SLC35F3: variants seen among roughly 807,000 people sequenced by gnomAD.
SLC35F3 encodes the protein solute carrier family 35 member F3, also known as putative thiamine transporter SLC35F3.
A neutral mutation model predicts 49.9 loss-of-function variants in SLC35F3; 25 were observed. The observed-to-expected ratio is 0.50, with a 90% CI of 0.37 to 0.70. The LOEUF is 0.70. Among genes scored for constraint, SLC35F3 ranks in the 30% least tolerant of loss-of-function variants. The probability of loss-of-function intolerance (pLI) is 0.00; values close to 1 mark genes in which losing one functional copy is unlikely to be tolerated. For missense variants in SLC35F3, 525 were observed against 639.8 expected (o/e 0.82, Z 1.94); for synonymous variants, 275 against 265.4 (o/e 1.04, Z -0.35).
chr1:234,132,064 T>A (rs10495344), intron 2 of SLC35F3, among the ~76,000 whole-genome samples: 17,988 of 152,120 alleles, frequency 0.12, 2,498 homozygotes, highest in East Asian at 0.75. Context: ...AGAAAGAAAG[T>A]AATAGGAGGT....
chr1:234,267,503 G>T (rs1572124750), intron 3 of SLC35F3, among the ~76,000 whole-genome samples: 1 of 147,216 alleles, frequency 6.8e-6, no homozygotes, highest in African/African-American at 2.6e-5. Flanking sequence ...TGGCCGGGCG[G>T]GGGGCTGACC....
chr1:234,139,955 A>AAAAT, intron 2 of SLC35F3, among the ~76,000 whole-genome samples: 2 of 119,648 alleles, frequency 1.7e-5, no homozygotes, highest in African/African-American at 3.6e-5. Context: ...TCAAAATAAT[A>AAAAT]AAATAAAATA....
intron 2 of SLC35F3, among the ~76,000 whole-genome samples, chr1:233,986,774 CT>C (rs888861705): frequency 3.3e-5 from 5 of 152,292 alleles, no homozygotes; most frequent in South Asian, 2.1e-4. Flanking sequence ...ATTTCTTTCA[CT>C]TTTTTATTTC....
chr1:234,082,865 C>T (rs2102873554), intron 2 of SLC35F3, among the ~76,000 whole-genome samples: 1 of 152,248 alleles, frequency 6.6e-6, no homozygotes, highest in African/African-American at 2.4e-5. Context: ...CATTGGGCCC[C>T]TCCTACAACA....
intron 2 of SLC35F3, among the ~76,000 whole-genome samples, chr1:234,018,545 A>AT (rs1663842785): frequency 1.3e-5 from 2 of 152,192 alleles, no homozygotes; most frequent in African/African-American, 4.8e-5. Context: ...ACAGTAATGG[A>AT]TAAAAAGACC....
chr1:233,988,284 G>T (rs745604672), intron 2 of SLC35F3, among the ~76,000 whole-genome samples: 1 of 152,182 alleles, frequency 6.6e-6, no homozygotes, highest in African/African-American at 2.4e-5. Context: ...TGCTTAAAAG[G>T]TATGAAGCTG....
At chr1:234,136,193 C>T (rs7553561) in intron 2 of SLC35F3, among the ~76,000 whole-genome samples, 97,470 of 151,352 alleles carry the variant, frequency 0.64, 31,498 homozygotes, top group East Asian at 0.77. Context: ...CCTCCCTTCC[C>T]TCCTTTATTT....
At chr1:234,129,266 C>T (rs1482606139) in intron 2 of SLC35F3, among the ~76,000 whole-genome samples, 1 of 152,126 alleles carries the variant, frequency 6.6e-6, no homozygotes, top group Non-Finnish European at 1.5e-5. Flanking sequence ...CAGGGAAATA[C>T]AAATTGAAGC....
chr1:234,063,062 C>T (rs754511611), intron 2 of SLC35F3, among the ~76,000 whole-genome samples: 19 of 152,018 alleles, frequency 1.2e-4, no homozygotes, highest in Non-Finnish European at 2.2e-4. Context: ...ACCCCCACTT[C>T]AGGATCTGAG....
At chr1:233,935,618 C>G (rs1170805351) in intron 2 of SLC35F3, among the ~76,000 whole-genome samples, 2 of 152,080 alleles carry the variant, frequency 1.3e-5, no homozygotes, top group African/African-American at 4.8e-5. Flanking sequence ...ATGCCTGTCC[C>G]CAGCAGCAAC....
rs185020953 is a variant in SLC35F3 at position 233,971,660 on chromosome 1, G to A, written c.283+65902G>A. ...TTGAACCCGGGAGGTGGAGATTGCAGTGAGCCGAGATCACGCCACTGCACT... is the reference window on the plus strand; with the variant it reads ...TTGAACCCGGGAGGTGGAGATTGCAATGAGCCGAGATCACGCCACTGCACT... On this transcript the variant is annotated intron_variant, in intron 2 of 7. Coordinates refer to ENST00000366618, the MANE Select transcript of SLC35F3 (RefSeq NM_173508.4). Among the ~76,000 whole-genome samples, 5 of 150,344 alleles carry A rather than the reference G, an allele frequency of 3.3e-5. No homozygotes were observed. The East Asian group carries it at 6.0e-4, about 18-fold the overall frequency.
intron 2 of SLC35F3, among the ~76,000 whole-genome samples, chr1:233,999,367 C>T (rs1038261616): frequency 1.3e-5 from 2 of 152,136 alleles, no homozygotes; most frequent in East Asian, 1.9e-4. Context: ...CTCCATTCAG[C>T]ACGTCACAAG....
intron 4 of SLC35F3, among the ~76,000 whole-genome samples, chr1:234,314,666 G>A (rs1318244816): frequency 1.3e-5 from 2 of 152,248 alleles, no homozygotes; most frequent in Non-Finnish European, 2.9e-5. Flanking sequence ...GGAGGCTGAG[G>A]CAGGAAAATC....
chr1:234,179,892 A>G (rs1666531453), intron 2 of SLC35F3, among the ~76,000 whole-genome samples: 1 of 152,228 alleles, frequency 6.6e-6, no homozygotes, highest in African/African-American at 2.4e-5. Context: ...ACGAAAGAGC[A>G]AAAGAAAAAA....
chr1:233,998,843 T>G (rs1464970847), intron 2 of SLC35F3, among the ~76,000 whole-genome samples: 1 of 152,328 alleles, frequency 6.6e-6, no homozygotes, highest in East Asian at 1.9e-4. Context: ...TGATGTGTTC[T>G]TACGTGATCA....
At position 233,924,105 on chromosome 1, in the gene SLC35F3, C is replaced by CT. The variant is rs1249988253; in HGVS notation, c.283+18354dup. On this transcript the variant is annotated intron_variant, in intron 2 of 7. Coordinates refer to ENST00000366618, the MANE Select transcript of SLC35F3 (RefSeq NM_173508.4). ...ATCAGGAATATTGGTCTAAAATTAT[C>CT]TTTTTTTGTTGTGTCTCTGCCAGGC... Among the ~76,000 whole-genome samples, 7 of 152,214 alleles carry CT rather than the reference C, an allele frequency of 4.6e-5. No homozygotes were observed. The East Asian group carries it at 7.7e-4, about 17-fold the overall frequency.
intron 1 of SLC35F3, 100 bp from the exon 2 acceptor site, chr1:233,905,429 C>T (rs1661757569): frequency 1.1e-6 from 1 of 933,156 alleles, no homozygotes; most frequent in Non-Finnish European, 1.6e-6. Flanking sequence ...GCCCCGGCCG[C>T]GCTCTTGCTC....
At chr1:234,105,677 G>C (rs568847170) in intron 2 of SLC35F3, among the ~76,000 whole-genome samples, 2 of 152,132 alleles carry the variant, frequency 1.3e-5, no homozygotes, top group Non-Finnish European at 2.9e-5. Flanking sequence ...CTTTTCCAAA[G>C]GAAATGAAAG....
At chr1:233,978,716 G>A (rs1663131189) in intron 2 of SLC35F3, among the ~76,000 whole-genome samples, 1 of 152,202 alleles carries the variant, frequency 6.6e-6, no homozygotes, top group Non-Finnish European at 1.5e-5. Flanking sequence ...CATCCAGAAA[G>A]TAAGGGAAAA....
Sources: allele counts gnomAD v4.1 joint callset (sites outside exome capture counted in the v4.1 genomes callset), GRCh38; gene constraint gnomAD v4.1.1; transcripts MANE v1.5; gene names NCBI Gene and HGNC (gene_info 2026-07-23, HGNC 2026-07-21).